The following CELF4 variants were observed in gnomAD, a reference collection of about 807,000 sequenced individuals.
CELF4 encodes the protein CUG-BP- and ETR-3-like factor 4.
In CELF4, 18 loss-of-function variants were observed where a neutral mutation model predicts 59.9. The ratio of observed to expected loss-of-function variants is 0.30; its 90% CI spans 0.21 to 0.45. The LOEUF (loss-of-function observed/expected upper bound fraction) is 0.45. Among genes scored for constraint, CELF4 ranks in the 20% least tolerant of loss-of-function variants. The pLI is 1.00. For missense variants in CELF4, 456 were observed against 689.0 expected, an observed-to-expected ratio of 0.66 and a Z score of 3.79; for synonymous variants, 261 against 267.1, an observed-to-expected ratio of 0.98 and a Z score of 0.22.
intron 2 of CELF4, among the ~76,000 whole-genome samples, chr18:37,390,808 G>GGGT (rs2099152277): frequency 8.7e-5 from 3 of 34,472 alleles, no homozygotes; most frequent in Admixed American, 2.6e-4. Context: ...GGGGCGGGGA[G>GGGT]GGGGGGCAGT....
chr18:37,326,539 G>A (rs754248515), intron 2 of CELF4, among the ~76,000 whole-genome samples: 1 of 152,208 alleles, frequency 6.6e-6, no homozygotes, highest in African/African-American at 2.4e-5. Context: ...AGGCCCTGTG[G>A]CCTTCAGTTG....
chr18:37,262,063 C>T (rs1034346650), intron 10 of CELF4, among the ~76,000 whole-genome samples: 12 of 152,210 alleles, frequency 7.9e-5, no homozygotes, highest in Admixed American at 5.9e-4. Context: ...TTGGACTCTG[C>T]AGCAGCTGCA....
At chr18:37,401,542 C>T (rs2099326805) in intron 2 of CELF4, among the ~76,000 whole-genome samples, 1 of 152,192 alleles carries the variant, frequency 6.6e-6, no homozygotes, top group South Asian at 2.1e-4. Flanking sequence ...ATTTGGTCCT[C>T]AGAACAGCCT....
At chr18:37,261,241 C>T (rs980539052) in intron 10 of CELF4, among the ~76,000 whole-genome samples, 1 of 151,890 alleles carries the variant, frequency 6.6e-6, no homozygotes, top group Non-Finnish European at 1.5e-5. Context: ...CCCTCCAGCC[C>T]CCCCCACACC....
chr18:37,436,329 G>A (rs1008028165), intron 2 of CELF4, among the ~76,000 whole-genome samples: 3 of 152,198 alleles, frequency 2.0e-5, no homozygotes, highest in African/African-American at 7.2e-5. Context: ...CAGGCACACC[G>A]GTTACCATTT....
chr18:37,272,823 T>C (rs2091942678), intron 7 of CELF4, among the ~76,000 whole-genome samples, 193 bp downstream of exon 7: 1 of 152,218 alleles, frequency 6.6e-6, no homozygotes, highest in Admixed American at 6.5e-5. Context: ...ATGGGTCCCA[T>C]ATCTCATCTT....
At chr18:37,322,743 C>T (rs549890159) in intron 2 of CELF4, among the ~76,000 whole-genome samples, 11 of 152,336 alleles carry the variant, frequency 7.2e-5, no homozygotes, top group South Asian at 2.1e-4. Flanking sequence ...AGGAGGATCA[C>T]GCCAGCGGAT....
intron 2 of CELF4, among the ~76,000 whole-genome samples, chr18:37,326,189 A>C (rs1025596755): frequency 2.0e-5 from 3 of 152,052 alleles, no homozygotes; most frequent in African/African-American, 7.2e-5. Context: ...AGGTGAAGAG[A>C]ATGCCGGAGA....
chr18:37,317,925 T>C (rs2096924672), intron 3 of CELF4, among the ~76,000 whole-genome samples: 1 of 152,146 alleles, frequency 6.6e-6, no homozygotes. Context: ...AGATGGGGGA[T>C]GAGAAGGTGG....
At chr18:37,464,408 C>T (rs911574940) in intron 2 of CELF4, among the ~76,000 whole-genome samples, 2 of 152,190 alleles carry the variant, frequency 1.3e-5, no homozygotes, top group African/African-American at 4.8e-5. Flanking sequence ...TGCCTAGCCT[C>T]TCCCCTCCCA....
intron 3 of CELF4, among the ~76,000 whole-genome samples, chr18:37,286,777 C>T (rs990704512): frequency 6.6e-5 from 10 of 152,134 alleles, no homozygotes; most frequent in South Asian, 2.1e-4. Context: ...CACACCTGAA[C>T]ACTGTGCCGA....
intron 1 of CELF4, among the ~76,000 whole-genome samples, chr18:37,556,604 T>C (rs895522698): frequency 1.3e-5 from 2 of 152,166 alleles, no homozygotes; most frequent in African/African-American, 4.8e-5. Flanking sequence ...CCTACCTGCA[T>C]GGAAGGTGGT....
At chr18:37,368,402 A>G (rs1352772650) in intron 2 of CELF4, among the ~76,000 whole-genome samples, 1 of 151,756 alleles carries the variant, frequency 6.6e-6, no homozygotes, top group Admixed American at 6.6e-5. Flanking sequence ...CCTCCCCACA[A>G]TGATGTACAC....
At chr18:37,466,018 A>G (rs554536509) in intron 2 of CELF4, among the ~76,000 whole-genome samples, 11 of 152,282 alleles carry the variant, frequency 7.2e-5, no homozygotes, top group African/African-American at 2.6e-4. Flanking sequence ...GCCACTGTGG[A>G]CCACATTTAA....
At chr18:37,426,158 G>A (rs1421851268) in intron 2 of CELF4, among the ~76,000 whole-genome samples, 1 of 152,254 alleles carries the variant, frequency 6.6e-6, no homozygotes, top group African/African-American at 2.4e-5. Flanking sequence ...CCCAAGCACA[G>A]GTCCTGGCCA....
At chr18:37,387,723 T>C (rs555301945) in intron 2 of CELF4, among the ~76,000 whole-genome samples, 6 of 152,340 alleles carry the variant, frequency 3.9e-5, no homozygotes, top group Admixed American at 3.9e-4. Context: ...TGGGACTTTG[T>C]TTTGCAGCAT....
chr18:37,270,712 C>T, intron 8 of CELF4, 56 bp downstream of exon 8: 1 of 1,600,250 alleles, frequency 6.2e-7, no homozygotes, highest in Non-Finnish European at 8.6e-7. Flanking sequence ...AGGGCAGGGA[C>T]AGCATGGATA....
chr18:37,350,318 C>T (rs1263996898), intron 2 of CELF4, among the ~76,000 whole-genome samples: 2 of 152,164 alleles, frequency 1.3e-5, no homozygotes, highest in African/African-American at 2.4e-5. Context: ...GCAAAAGATG[C>T]AAATAACTTT....
chr18:37,295,009 G>A (rs1005117268), intron 3 of CELF4, among the ~76,000 whole-genome samples: 2 of 152,220 alleles, frequency 1.3e-5, no homozygotes, highest in African/African-American at 4.8e-5. Flanking sequence ...AGGAAGACAT[G>A]CAATGTGTTG....
Sources: allele counts gnomAD v4.1 joint callset (sites outside exome capture counted in the v4.1 genomes callset), GRCh38; gene constraint gnomAD v4.1.1; transcripts MANE v1.5; gene names NCBI Gene and HGNC (gene_info 2026-07-23, HGNC 2026-07-21).